The following PLXNC1 variants were observed in gnomAD, a reference collection of about 807,000 sequenced individuals.
PLXNC1 encodes plexin-C1.
Under a neutral mutation model 178.2 loss-of-function variants are expected in PLXNC1, and 75 were observed. That is an observed-to-expected ratio of 0.42 (90% CI 0.35 to 0.51). PLXNC1 has a LOEUF of 0.51. Among genes scored for constraint, PLXNC1 ranks in the 20% least tolerant of loss-of-function variants. PLXNC1 has a pLI of 0.02. For synonymous variants in PLXNC1, 790 were observed against 779.9 expected (o/e 1.01, Z -0.22); for missense variants, 1,503 against 1,984.4 (o/e 0.76, Z 4.61).
At chr12:94,218,076 A>G (rs1002540581) in intron 5 of PLXNC1, among the ~76,000 whole-genome samples, 34 of 152,350 alleles carry the variant, frequency 2.2e-4, no homozygotes, top group Middle Eastern at 3.4e-3. Context: ...AATTTAAGAC[A>G]TATATGTATA....
rs189344505 is a variant in PLXNC1 at position 94,209,466 on chromosome 12, T to G, written c.1440-124T>G. ...ATTCTCGCTCAAATCAATAATCCAC[T>G]GTACAAGGTCTGGCATTTTGTACTG... On this transcript the variant is annotated intron_variant, in intron 4 of 30. Transcript: ENST00000258526. The G allele has an allele frequency of 1.0e-4, 68 of 658,870 alleles. No homozygotes were observed. In the East Asian group the frequency reaches 1.7e-3, roughly 16 times the overall value. The allele number at this position is 658,870 out of a possible 1,614,324, so 40.8% of individuals were successfully genotyped here. A position where few individuals can be genotyped will look rare whatever the true frequency, so the allele number is the denominator to read the frequency against.
intron 4 of PLXNC1, among the ~76,000 whole-genome samples, chr12:94,208,407 T>C (rs554532854): frequency 1.3e-5 from 2 of 152,260 alleles, no homozygotes; most frequent in South Asian, 4.1e-4. Flanking sequence ...GATGAAGCCA[T>C]GAGGCCTAAA....
At chr12:94,178,475 G>T (rs1349678789) in intron 2 of PLXNC1, among the ~76,000 whole-genome samples, 1 of 152,020 alleles carries the variant, frequency 6.6e-6, no homozygotes, top group Non-Finnish European at 1.5e-5. Flanking sequence ...ACAAAAACTG[G>T]CTTCCTGTTT....
intron 17 of PLXNC1, among the ~76,000 whole-genome samples, chr12:94,257,568 G>A (rs1302644360): frequency 6.6e-6 from 1 of 152,124 alleles, no homozygotes; most frequent in Non-Finnish European, 1.5e-5. Flanking sequence ...GAGGTCAGGA[G>A]TTAGGGACCA....
intron 3 of PLXNC1, among the ~76,000 whole-genome samples, chr12:94,185,158 T>C (rs3847809): frequency 0.48 from 72,695 of 151,956 alleles, 18,015 homozygotes; most frequent in African/African-American, 0.61. Flanking sequence ...GAAATACCTC[T>C]ATTCTGGTTA....
At chr12:94,228,155 C>T (rs899309656) in intron 9 of PLXNC1, among the ~76,000 whole-genome samples, 1 of 152,202 alleles carries the variant, frequency 6.6e-6, no homozygotes, top group Non-Finnish European at 1.5e-5. Context: ...GGTGAATTAA[C>T]AACCAGGCAG....
chr12:94,202,721 C>T (rs572585004), intron 4 of PLXNC1, among the ~76,000 whole-genome samples: 2 of 152,284 alleles, frequency 1.3e-5, no homozygotes, highest in East Asian at 1.9e-4. Flanking sequence ...CTGCTCTCCA[C>T]GAGGCACTAT....
At chr12:94,298,869 A>G (rs1004647929) in intron 27 of PLXNC1, 74 bp downstream of exon 27, 17 of 1,363,528 alleles carry the variant, frequency 1.2e-5, no homozygotes, top group Non-Finnish European at 1.6e-5. Context: ...AGACATAGAT[A>G]GTTATAGAAG....
At chr12:94,168,930 T>A (rs1961733529) in intron 1 of PLXNC1, among the ~76,000 whole-genome samples, 1 of 152,072 alleles carries the variant, frequency 6.6e-6, no homozygotes, top group African/African-American at 2.4e-5. Flanking sequence ...ACTCAATACC[T>A]GTTCATACAT....
chr12:94,185,441 T>A (rs1250423395), intron 3 of PLXNC1, among the ~76,000 whole-genome samples: 1 of 152,166 alleles, frequency 6.6e-6, no homozygotes, highest in East Asian at 1.9e-4. Context: ...CTACCTGCTG[T>A]GTGGTTTTGC....
chr12:94,304,068 C>G lies in PLXNC1; in HGVS notation c.4602+17C>G. On this transcript the variant is annotated intron_variant, in intron 30 of 30. Transcript: ENST00000258526. ...TTTGATGAGGTAAGATTTTAAATAA[C>G]ATTGTTTTTAACCTTTGAATCAGGC... The G allele has an allele frequency of 7.0e-7, 1 of 1,424,688 alleles. No individual in the cohort carries two copies. Among genetic ancestry groups the G allele is most frequent in the Non-Finnish European group, 9.8e-7 (1 of 1,015,842 alleles). The allele number at this position is 1,424,688 out of a possible 1,614,324, so 88.3% of individuals were successfully genotyped here. A position where few individuals can be genotyped will look rare whatever the true frequency, so the allele number is the denominator to read the frequency against.
chr12:94,270,963 A>G (rs1379969299), intron 21 of PLXNC1, among the ~76,000 whole-genome samples: 1 of 152,136 alleles, frequency 6.6e-6, no homozygotes, highest in Non-Finnish European at 1.5e-5. Context: ...AGAATGTCCC[A>G]GGGCTGCTGA....
At chr12:94,254,622 T>G (rs1964789256) in intron 15 of PLXNC1, 165 bp from the exon 16 acceptor site, 2 of 709,370 alleles carry the variant, frequency 2.8e-6, no homozygotes, top group South Asian at 1.5e-5. Flanking sequence ...TCTTATAAGA[T>G]CCAGCTTTTT....
chr12:94,282,101 T>C, intron 22 of PLXNC1, 197 bp from the exon 23 acceptor site: 1 of 514,034 alleles, frequency 1.9e-6, no homozygotes. Flanking sequence ...AGAAGTGGTT[T>C]GAAACATCAG....
intron 2 of PLXNC1, among the ~76,000 whole-genome samples, chr12:94,180,117 G>A (rs1169270225): frequency 1.3e-5 from 2 of 152,080 alleles, no homozygotes; most frequent in East Asian, 1.9e-4. Context: ...CCAAAGCCCT[G>A]CCATGGCCTC....
At chr12:94,300,867 T>G (rs753642529) in intron 27 of PLXNC1, 43 bp from the exon 28 acceptor site, 1 of 1,578,494 alleles carries the variant, frequency 6.3e-7, no homozygotes, top group East Asian at 2.3e-5. Flanking sequence ...ATTGGCTTCA[T>G]GAATGGCCCT....
intron 1 of PLXNC1, among the ~76,000 whole-genome samples, chr12:94,153,460 A>G (rs1007884597): frequency 2.6e-5 from 4 of 152,214 alleles, no homozygotes; most frequent in African/African-American, 9.6e-5. Flanking sequence ...ATAAAAATGA[A>G]TGTTTTTAAT....
chr12:94,300,761 G>A (rs562822826), intron 27 of PLXNC1, 149 bp from the exon 28 acceptor site: 3 of 525,484 alleles, frequency 5.7e-6, no homozygotes, highest in South Asian at 4.4e-5. Flanking sequence ...TCCAAGTGAC[G>A]CTTCTGTCTG....
chr12:94,227,647 T>C (rs1963983919), intron 9 of PLXNC1, among the ~76,000 whole-genome samples: 1 of 152,198 alleles, frequency 6.6e-6, no homozygotes, highest in African/African-American at 2.4e-5. Flanking sequence ...TCCGTTGTTT[T>C]TTTTCAACTT....
Sources: allele counts gnomAD v4.1 joint callset (sites outside exome capture counted in the v4.1 genomes callset), GRCh38; gene constraint gnomAD v4.1.1; transcripts MANE v1.5; gene names NCBI Gene and HGNC (gene_info 2026-07-23, HGNC 2026-07-21).